The following TTC28 variants were observed in gnomAD, a reference collection of about 807,000 sequenced individuals.
The protein encoded by TTC28 is tetratricopeptide repeat protein 28.
Under a neutral mutation model 198.0 loss-of-function variants are expected in TTC28, and 61 were observed. That is an observed-to-expected ratio of 0.31 (90% CI 0.25 to 0.38). TTC28 has a LOEUF of 0.38. Among genes scored for constraint, TTC28 ranks in the 10% least tolerant of loss-of-function variants. The pLI, the probability that TTC28 is intolerant of heterozygous loss-of-function variation, is 1.00. For missense variants in TTC28, 2,678 were observed against 3,164.0 expected (o/e 0.85, Z 3.69); for synonymous variants, 1,171 against 1,297.8 (o/e 0.90, Z 2.10).
At chr22:28,581,708 G>A (rs917749588) in intron 2 of TTC28, among the ~76,000 whole-genome samples, 4 of 152,140 alleles carry the variant, frequency 2.6e-5, no homozygotes, top group Non-Finnish European at 4.4e-5. Context: ...TTGAGCCCAG[G>A]AGTTCAAGAC....
At chr22:28,419,236 A>T (rs2047212786) in intron 2 of TTC28, among the ~76,000 whole-genome samples, 1 of 152,102 alleles carries the variant, frequency 6.6e-6, no homozygotes, top group Non-Finnish European at 1.5e-5. Flanking sequence ...TTAAAATTCT[A>T]TCCATTTTTC....
intron 2 of TTC28, among the ~76,000 whole-genome samples, chr22:28,352,140 CAATGATCTATAA>C (rs2046005917): frequency 6.6e-6 from 1 of 151,872 alleles, no homozygotes; most frequent in African/African-American, 2.4e-5. Context: ...AAATTTTCAC[CAATGATCTATAA>C]ACTTTCAAAA....
intron 2 of TTC28, among the ~76,000 whole-genome samples, chr22:28,395,793 G>C (rs1037904662): frequency 5.9e-5 from 9 of 152,040 alleles, no homozygotes; most frequent in African/African-American, 1.9e-4. Context: ...TCAAATAACA[G>C]CAACAATATT....
chr22:28,094,641 T>C (rs1402128804), intron 11 of TTC28, among the ~76,000 whole-genome samples: 2 of 152,174 alleles, frequency 1.3e-5, no homozygotes, highest in Non-Finnish European at 2.9e-5. Context: ...AAGACAAATA[T>C]AATTGACCAA....
intron 5 of TTC28, among the ~76,000 whole-genome samples, chr22:28,284,228 GATT>G (rs1034015316): frequency 4.6e-5 from 7 of 152,128 alleles, no homozygotes; most frequent in African/African-American, 1.4e-4. Flanking sequence ...AAATGGATGA[GATT>G]ATTAAAATAA....
chr22:28,099,288 C>T (rs1174341020), intron 9 of TTC28, among the ~76,000 whole-genome samples: 1 of 152,238 alleles, frequency 6.6e-6, no homozygotes, highest in East Asian at 1.9e-4. Flanking sequence ...CAACTCCACT[C>T]ATCATGTAAC....
intron 12 of TTC28, among the ~76,000 whole-genome samples, chr22:28,035,039 T>G (rs765208047): frequency 6.6e-6 from 1 of 152,132 alleles, no homozygotes; most frequent in South Asian, 2.1e-4. Context: ...CCAGATAGGA[T>G]TTTCATTTGC....
chr22:28,568,975 CA>C (rs2050020963), intron 2 of TTC28, among the ~76,000 whole-genome samples: 1 of 151,938 alleles, frequency 6.6e-6, no homozygotes, highest in South Asian at 2.1e-4. Flanking sequence ...GGTGAAACCC[CA>C]TCTCTACTAA....
At chr22:28,472,834 A>C (rs2048115487) in intron 2 of TTC28, among the ~76,000 whole-genome samples, 1 of 152,184 alleles carries the variant, frequency 6.6e-6, no homozygotes, top group Non-Finnish European at 1.5e-5. Context: ...CACTCACATC[A>C]AGCCATAGTA....
intron 7 of TTC28, among the ~76,000 whole-genome samples, chr22:28,106,698 T>C (rs1942315890): frequency 6.6e-6 from 1 of 152,134 alleles, no homozygotes; most frequent in Admixed American, 6.5e-5. Context: ...TGGGAGGTAT[T>C]CAGAAAAGAT....
chr22:28,374,859 A>T (rs1449877183), intron 2 of TTC28, among the ~76,000 whole-genome samples: 1 of 150,668 alleles, frequency 6.6e-6, no homozygotes, highest in African/African-American at 2.4e-5. Flanking sequence ...TTTTTTTTTT[A>T]ATATTTTTTT....
intron 2 of TTC28, among the ~76,000 whole-genome samples, chr22:28,388,131 G>C (rs1190009141): frequency 3.3e-5 from 5 of 152,058 alleles, no homozygotes; most frequent in African/African-American, 1.2e-4. Flanking sequence ...TTTTTCTCAG[G>C]TTTGTCAAAG....
At chr22:28,361,509 A>G (rs1298532387) in intron 2 of TTC28, among the ~76,000 whole-genome samples, 1 of 152,108 alleles carries the variant, frequency 6.6e-6, no homozygotes, top group Non-Finnish European at 1.5e-5. Flanking sequence ...AAAAGTTAAA[A>G]GCAAGCAGAG....
chr22:28,606,169 C>T (rs2050730147), intron 2 of TTC28, among the ~76,000 whole-genome samples: 1 of 151,898 alleles, frequency 6.6e-6, no homozygotes, highest in African/African-American at 2.4e-5. Context: ...CTGCAACCTC[C>T]ACCTCCTGGG....
intron 2 of TTC28, among the ~76,000 whole-genome samples, chr22:28,479,221 T>C (rs1242917046): frequency 6.6e-6 from 1 of 152,142 alleles, no homozygotes; most frequent in African/African-American, 2.4e-5. Flanking sequence ...CAATGCAGAG[T>C]AGCAAGCTAA....
intron 2 of TTC28, among the ~76,000 whole-genome samples, chr22:28,372,052 C>T (rs1429345947): frequency 2.0e-5 from 3 of 151,980 alleles, no homozygotes; most frequent in African/African-American, 7.3e-5. Flanking sequence ...TGTGCCCATG[C>T]ACTCCAGCAT....
intron 2 of TTC28, among the ~76,000 whole-genome samples, chr22:28,450,765 C>G (rs1184886201): frequency 6.6e-6 from 1 of 152,114 alleles, no homozygotes; most frequent in Non-Finnish European, 1.5e-5. Context: ...TGGGACTAGG[C>G]TTACTTTCCT....
intron 2 of TTC28, among the ~76,000 whole-genome samples, chr22:28,369,475 G>T (rs2046297275): frequency 2.0e-5 from 3 of 152,158 alleles, no homozygotes; most frequent in Non-Finnish European, 4.4e-5. Flanking sequence ...ACAAGTATTA[G>T]ATTAGTAACA....
intron 2 of TTC28, among the ~76,000 whole-genome samples, chr22:28,516,565 T>C (rs1439305272): frequency 7.2e-6 from 1 of 139,542 alleles, no homozygotes; most frequent in African/African-American, 2.7e-5. Context: ...AACAATGAGA[T>C]AATTTGGACA....
Sources: allele counts gnomAD v4.1 joint callset (sites outside exome capture counted in the v4.1 genomes callset), GRCh38; gene constraint gnomAD v4.1.1; transcripts MANE v1.5; gene names NCBI Gene and HGNC (gene_info 2026-07-23, HGNC 2026-07-21).